JAM3: variants seen among roughly 807,000 people sequenced by gnomAD.
The protein encoded by JAM3 is junctional adhesion molecule C.
Under a neutral mutation model 39.4 loss-of-function variants are expected in JAM3, and 31 were observed. That is an observed-to-expected ratio of 0.79 (90% CI 0.59 to 1.06). The LOEUF is 1.06. JAM3 is among the 50% of genes least tolerant of loss of function. The pLI is 0.00. For missense variants in JAM3, 455 were observed against 391.4 expected, an observed-to-expected ratio of 1.16 and a Z score of -1.37; for synonymous variants, 182 against 148.7, an observed-to-expected ratio of 1.22 and a Z score of -1.63.
At position 134,151,876 on chromosome 11, in the gene JAM3, C is replaced by G. The variant is rs1417795710; in HGVS notation, c.*2695C>G. ...CACCCATCCACCAGGGAAGTCAGTG[C>G]TGGGCAGGAGGTCAGCCTGTGTGCT... On this transcript the variant is annotated 3_prime_UTR_variant, in exon 9 of 9. Transcript: ENST00000299106. The G allele has an allele frequency of 6.6e-6, 1 of 152,228 alleles. No individual in the cohort carries two copies. Among genetic ancestry groups the G allele is most frequent in the African/African-American group, 2.4e-5 (1 of 41,460 alleles). The allele number at this position is 152,228 out of a possible 1,614,324, so 9.4% of individuals were successfully genotyped here.
chr11:134,143,432 C>T (rs1943010874), intron 3 of JAM3, among the ~76,000 whole-genome samples: 1 of 152,194 alleles, frequency 6.6e-6, no homozygotes, highest in South Asian at 2.1e-4. Flanking sequence ...CAGGATCTCA[C>T]TGTGTTGCAC....
chr11:134,069,340 G>A (rs1941448932), intron 1 of JAM3, among the ~76,000 whole-genome samples, 181 bp downstream of exon 1: 1 of 152,262 alleles, frequency 6.6e-6, no homozygotes. Context: ...TGGGACTCGG[G>A]CCTGGCTAGG....
At chr11:134,089,354 A>G (rs937255087) in intron 1 of JAM3, among the ~76,000 whole-genome samples, 3 of 151,928 alleles carry the variant, frequency 2.0e-5, no homozygotes, top group Non-Finnish European at 2.9e-5. Flanking sequence ...GTACATGTGC[A>G]CAGCATGCAG....
chr11:134,076,217 C>CA (rs1941567787), intron 1 of JAM3, among the ~76,000 whole-genome samples: 1 of 135,474 alleles, frequency 7.4e-6, no homozygotes, highest in African/African-American at 2.8e-5. Context: ...TACAATGGTG[C>CA]AATCTCGGCT....
At position 134,069,094 on chromosome 11, in the gene JAM3, G is replaced by C. The variant is rs991776258; in HGVS notation, c.11G>C (p.Arg4Thr). Residue 4 changes from arginine (R) to threonine (T), a missense_variant, in exon 1 of 9, where the codon AGG becomes ACG. Coordinates refer to ENST00000299106, the MANE Select transcript of JAM3 (RefSeq NM_032801.5). MALRRPPRLRLCAR... is the reference protein window; with the variant it reads MALTRPPRLRLCAR... Reference sequence around the variant, plus strand: ...TCAGCAACCCTCGACATGGCGCTGAGGCGGCCACCGCGACTCCGGCTCTGC... The same window carrying C: ...TCAGCAACCCTCGACATGGCGCTGACGCGGCCACCGCGACTCCGGCTCTGC... 1 of 1,611,574 alleles carries C rather than the reference G, an allele frequency of 6.2e-7. No individual in the cohort carries two copies. The highest frequency in any genetic ancestry group is 8.5e-7 in the Non-Finnish European group (1 of 1,179,136).
chr11:134,115,049 A>C (rs938606511), intron 1 of JAM3, among the ~76,000 whole-genome samples: 5 of 152,174 alleles, frequency 3.3e-5, no homozygotes, highest in Non-Finnish European at 5.9e-5. Context: ...CATGTTTAGA[A>C]TTTTTATGTT....
rs1591763805 is a variant in JAM3, at chr11:134,069,256, C to T, written c.76+97C>T. ...CTGGAGCCGGTCCGGGCGAGGATAG[C>T]GGTCCTGGCTCCGAGGGCTCCCGGG... is the stretch of plus-strand genomic sequence containing the variant. On this transcript the variant is annotated intron_variant, in intron 1 of 8. Transcript: ENST00000299106. 3 of 1,492,038 alleles carry T rather than the reference C, an allele frequency of 2.0e-6. No homozygotes were observed. In the East Asian group the frequency reaches 7.4e-5, roughly 37 times the overall value. 92.4% of individuals were successfully genotyped at this position (1,492,038 alleles called of 1,614,324 possible).
intron 1 of JAM3, among the ~76,000 whole-genome samples, chr11:134,104,237 C>A (rs1428135768): frequency 1.3e-5 from 2 of 152,166 alleles, no homozygotes; most frequent in African/African-American, 4.8e-5. Flanking sequence ...GGAAACTGAA[C>A]AACCTGCTCC....
At chr11:134,108,404 A>G (rs1299146597) in intron 1 of JAM3, among the ~76,000 whole-genome samples, 2 of 151,966 alleles carry the variant, frequency 1.3e-5, no homozygotes, top group Non-Finnish European at 2.9e-5. Context: ...CAACAAAGTG[A>G]AAAGAAAGAA....
At chr11:134,100,063 A>G (rs1382364218) in intron 1 of JAM3, among the ~76,000 whole-genome samples, 1 of 152,188 alleles carries the variant, frequency 6.6e-6, no homozygotes, top group Non-Finnish European at 1.5e-5. Flanking sequence ...GTTAAATCTC[A>G]TGACATGGGA....
intron 1 of JAM3, among the ~76,000 whole-genome samples, chr11:134,137,338 C>T (rs1434200235): frequency 6.6e-6 from 1 of 152,156 alleles, no homozygotes; most frequent in Non-Finnish European, 1.5e-5. Flanking sequence ...CTGTTGTTAC[C>T]AACTCTAGTA....
intron 1 of JAM3, among the ~76,000 whole-genome samples, chr11:134,081,530 G>T (rs900201223): frequency 3.3e-5 from 5 of 152,240 alleles, no homozygotes; most frequent in African/African-American, 1.2e-4. Context: ...CCCAAGCCTT[G>T]CAGCTTCCAC....
At chr11:134,135,728 G>A (rs1942852883) in intron 1 of JAM3, among the ~76,000 whole-genome samples, 1 of 151,640 alleles carries the variant, frequency 6.6e-6, no homozygotes, top group African/African-American at 2.4e-5. Flanking sequence ...TCATGTATTA[G>A]CCCTAATATC....
intron 1 of JAM3, among the ~76,000 whole-genome samples, chr11:134,099,209 AAAAT>A (rs746657951): frequency 6.6e-6 from 1 of 152,100 alleles, no homozygotes; most frequent in Non-Finnish European, 1.5e-5. Flanking sequence ...TCAAAAAATA[AAAAT>A]AAAAATAATA....
rs530158581 is a variant in JAM3 at position 134,087,134 on chromosome 11, C to T, written c.76+17975C>T. Among the ~76,000 whole-genome samples the T allele has an allele frequency of 1.3e-4, 20 of 151,964 alleles. No homozygotes were observed. The South Asian group carries it at 2.5e-3, about 19-fold the overall frequency. The stretch of plus-strand genomic sequence containing the variant: ...TTTTAGTATTGTCTTTTCCCAAACA[C>T]GCTTAGTGAAATGAAGCAACAGAAA... On this transcript the variant is annotated intron_variant, in intron 1 of 8. Transcript: ENST00000299106.
intron 1 of JAM3, among the ~76,000 whole-genome samples, chr11:134,133,592 T>TAC (rs922060462): frequency 1.3e-5 from 2 of 152,220 alleles, no homozygotes; most frequent in Non-Finnish European, 2.9e-5. Flanking sequence ...AATACTGTAA[T>TAC]TGATTTTTAT....
rs578054277 is a variant in JAM3, at chr11:134,151,755, C to G, written c.*2574C>G. The G allele has an allele frequency of 6.6e-5, 10 of 152,322 alleles. No individual in the cohort carries two copies. The East Asian group carries it at 1.9e-3, about 29-fold the overall frequency. The allele number at this position is 152,322 out of a possible 1,614,324, so 9.4% of individuals were successfully genotyped here. A position where few individuals can be genotyped will look rare whatever the true frequency, so the allele number is the denominator to read the frequency against. On this transcript the variant is annotated 3_prime_UTR_variant, in exon 9 of 9. Coordinates refer to ENST00000299106, the MANE Select transcript of JAM3 (RefSeq NM_032801.5). ...TATAAAAGCTTCAAAAAAACCCAAA[C>G]ATTGCTTCATTCTTTGTTATTTGCT...
At chr11:134,127,873 G>C (rs557586782) in intron 1 of JAM3, among the ~76,000 whole-genome samples, 74 of 152,234 alleles carry the variant, frequency 4.9e-4, no homozygotes, top group African/African-American at 1.6e-3. Context: ...CAGTATTCAG[G>C]GGACCTCTCC....
At chr11:134,127,605 C>G (rs1202063735) in intron 1 of JAM3, among the ~76,000 whole-genome samples, 1 of 152,178 alleles carries the variant, frequency 6.6e-6, no homozygotes, top group Non-Finnish European at 1.5e-5. Context: ...GAGGCTCAGG[C>G]AGGAGGATCA....
Sources: gnomAD v4.1 joint callset for allele counts (sites outside exome capture counted in the v4.1 genomes callset) on GRCh38, gnomAD v4.1.1 for gene constraint, MANE v1.5 for transcripts, NCBI Gene and HGNC (gene_info 2026-07-23, HGNC 2026-07-21) for gene names.